OXR1: variants seen among roughly 807,000 people sequenced by gnomAD.
OXR1 encodes the protein oxidation resistance 1, also known as oxidation resistance protein 1.
OXR1 carries 41 observed loss-of-function variants against 104.6 expected under a neutral mutation model. The observed-to-expected ratio is 0.39, with a 90% CI of 0.31 to 0.51. OXR1 has a LOEUF of 0.51. OXR1 is among the 20% of genes least tolerant of loss of function. The probability of loss-of-function intolerance (pLI) is 0.77; values close to 1 mark genes in which losing one functional copy is unlikely to be tolerated. For missense variants in OXR1, 955 were observed against 1,031.9 expected (o/e 0.93, Z 1.02); for synonymous variants, 348 against 348.4 (o/e 1.00, Z 0.01).
intron 2 of OXR1, among the ~76,000 whole-genome samples, chr8:106,456,797 G>A (rs1262456536): frequency 6.6e-6 from 1 of 152,128 alleles, no homozygotes; most frequent in African/African-American, 2.4e-5. Flanking sequence ...GTCAACCAAA[G>A]GAATGATAGA....
intron 1 of OXR1, among the ~76,000 whole-genome samples, chr8:106,343,930 T>C (rs1327281269): frequency 6.6e-6 from 1 of 152,256 alleles, no homozygotes; most frequent in Non-Finnish European, 1.5e-5. Context: ...TACTGGTGTT[T>C]ATTGCAAAAT....
intron 2 of OXR1, among the ~76,000 whole-genome samples, chr8:106,494,554 T>C (rs1336308287): frequency 1.3e-5 from 2 of 152,182 alleles, no homozygotes; most frequent in East Asian, 3.9e-4. Flanking sequence ...CTTATCCACC[T>C]GCATCTACAG....
chr8:106,558,472 C>G (rs1229261762), intron 3 of OXR1, among the ~76,000 whole-genome samples: 1 of 152,148 alleles, frequency 6.6e-6, no homozygotes, highest in Non-Finnish European at 1.5e-5. Context: ...GGGAGAGGGC[C>G]ATTGGAAGGC....
intron 2 of OXR1, among the ~76,000 whole-genome samples, chr8:106,395,996 A>G (rs10087505): frequency 0.64 from 96,234 of 151,510 alleles, 30,753 homozygotes; most frequent in Middle Eastern, 0.67. Context: ...GGAACCATTA[A>G]AGCAGCAAAA....
chr8:106,460,496 C>G (rs974558914), intron 2 of OXR1, among the ~76,000 whole-genome samples: 1 of 152,136 alleles, frequency 6.6e-6, no homozygotes, highest in African/African-American at 2.4e-5. Flanking sequence ...AGTATTTGCA[C>G]CAAGTAAAGT....
intron 2 of OXR1, among the ~76,000 whole-genome samples, chr8:106,396,082 C>A (rs1296834475): frequency 1.1e-4 from 10 of 89,410 alleles, no homozygotes; most frequent in Admixed American, 3.5e-4. Context: ...TAAATACATA[C>A]ATACATACAT....
At chr8:106,451,560 ATTTTC>A (rs1460546893) in intron 2 of OXR1, among the ~76,000 whole-genome samples, 1 of 152,128 alleles carries the variant, frequency 6.6e-6, no homozygotes, top group Non-Finnish European at 1.5e-5. Context: ...ATAACAGGAA[ATTTTC>A]TTTTTTCTTT....
intron 2 of OXR1, among the ~76,000 whole-genome samples, chr8:106,488,973 A>G (rs1586710226): frequency 1.3e-5 from 2 of 150,612 alleles, no homozygotes; most frequent in Middle Eastern, 3.4e-3. Flanking sequence ...AGTCATTGGT[A>G]GCTTGATAGG....
intron 1 of OXR1, among the ~76,000 whole-genome samples, chr8:106,315,502 A>T (rs774905436): frequency 2.0e-5 from 3 of 152,170 alleles, no homozygotes; most frequent in Non-Finnish European, 2.9e-5. Context: ...CCTGGCTAAA[A>T]ATTGCCTTAA....
At chr8:106,293,075 C>T (rs1812822400) in intron 1 of OXR1, among the ~76,000 whole-genome samples, 1 of 151,730 alleles carries the variant, frequency 6.6e-6, no homozygotes, top group Admixed American at 6.6e-5. Flanking sequence ...AGGTAATGTG[C>T]AAAAAATGGT....
chr8:106,532,306 A>G (rs1196022191), intron 3 of OXR1, among the ~76,000 whole-genome samples: 1 of 152,224 alleles, frequency 6.6e-6, no homozygotes, highest in African/African-American at 2.4e-5. Flanking sequence ...AAGAGCTAAA[A>G]AGATAGCATA....
intron 3 of OXR1, among the ~76,000 whole-genome samples, chr8:106,667,397 G>C (rs1437510176): frequency 6.6e-6 from 1 of 152,110 alleles, no homozygotes; most frequent in Non-Finnish European, 1.5e-5. Context: ...ACAAGTACTT[G>C]GGGCATGCAC....
Position 106,317,864 on chromosome 8 carries a change from C to A in OXR1, c.-138-41612C>A, listed in dbSNP as rs987126229. On this transcript the variant is annotated intron_variant, in intron 1 of 16. Coordinates refer to ENST00000517566, the MANE Select transcript of OXR1 (RefSeq NM_001198533.2). ...CTGAAAATAAAAACTTAGAAAATAG[C>A]TTTTTTTGGTATTCAGCCACAATAA... Among the ~76,000 whole-genome samples, 3 of 151,308 alleles carry A rather than the reference C, an allele frequency of 2.0e-5. No individual in the cohort carries two copies. The East Asian group carries it at 5.8e-4, about 29-fold the overall frequency.
At chr8:106,576,329 C>G (rs1416073099) in intron 3 of OXR1, among the ~76,000 whole-genome samples, 1 of 150,788 alleles carries the variant, frequency 6.6e-6, no homozygotes, top group African/African-American at 2.4e-5. Context: ...GATGTATTAC[C>G]TTAATAAAGA....
intron 3 of OXR1, among the ~76,000 whole-genome samples, chr8:106,547,265 A>G (rs1815432986): frequency 6.6e-6 from 1 of 152,184 alleles, no homozygotes; most frequent in African/African-American, 2.4e-5. Context: ...GAACATTTTC[A>G]TCTTGCAAAA....
At chr8:106,598,453 T>C (rs1048230904) in intron 3 of OXR1, among the ~76,000 whole-genome samples, 1 of 152,224 alleles carries the variant, frequency 6.6e-6, no homozygotes, top group Admixed American at 6.5e-5. Flanking sequence ...CCAGTTTTGA[T>C]AATAACTTAC....
intron 1 of OXR1, among the ~76,000 whole-genome samples, chr8:106,280,447 G>C (rs1032113401): frequency 6.6e-6 from 1 of 152,132 alleles, no homozygotes; most frequent in African/African-American, 2.4e-5. Flanking sequence ...GCCGTCCCTG[G>C]CATTTGTTGG....
intron 7 of OXR1, among the ~76,000 whole-genome samples, chr8:106,699,169 A>T (rs1563722240): frequency 6.6e-6 from 1 of 151,474 alleles, no homozygotes; most frequent in Non-Finnish European, 1.5e-5. Flanking sequence ...TAAATACAAG[A>T]TTTTTTTTTG....
Position 106,358,908 on chromosome 8 carries a change from G to A in OXR1, c.-138-568G>A, listed in dbSNP as rs547775630. On this transcript the variant is annotated intron_variant, in intron 1 of 16. Coordinates refer to ENST00000517566, the MANE Select transcript of OXR1 (RefSeq NM_001198533.2). Reference sequence around the variant, plus strand: ...TTTAATTCACTAAATAATTTAGTGAGTAATTTAATTCACTAAATAATTTAG... The same window carrying A: ...TTTAATTCACTAAATAATTTAGTGAATAATTTAATTCACTAAATAATTTAG... Among the ~76,000 whole-genome samples the A allele has an allele frequency of 8.9e-3, 1,309 of 147,336 alleles. 13 individuals are homozygous for A. Among genetic ancestry groups the A allele is most frequent in the African/African-American group, 0.015 (589 of 38,742 alleles).
Sources: gnomAD v4.1 joint callset for allele counts (sites outside exome capture counted in the v4.1 genomes callset) on GRCh38, gnomAD v4.1.1 for gene constraint, MANE v1.5 for transcripts, NCBI Gene and HGNC (gene_info 2026-07-23, HGNC 2026-07-21) for gene names.